The following SLC35F1 variants were observed in gnomAD, a reference collection of about 807,000 sequenced individuals.
The protein encoded by SLC35F1 is solute carrier family 35 member F1.
A neutral mutation model predicts 48.7 loss-of-function variants in SLC35F1; 14 were observed. The observed-to-expected ratio is 0.29, with a 90% CI of 0.19 to 0.45. The LOEUF (loss-of-function observed/expected upper bound fraction) is 0.45, where lower values mean the gene tolerates loss of function less well. SLC35F1 is among the 20% of genes least tolerant of loss of function. The probability of loss-of-function intolerance (pLI) is 1.00; values close to 1 mark genes in which losing one functional copy is unlikely to be tolerated. For missense variants in SLC35F1, 404 were observed against 500.0 expected, an observed-to-expected ratio of 0.81 and a Z score of 1.83; for synonymous variants, 190 against 202.2, an observed-to-expected ratio of 0.94 and a Z score of 0.51.
At chr6:118,047,234 C>T (rs1177203018) in intron 1 of SLC35F1, among the ~76,000 whole-genome samples, 1 of 152,078 alleles carries the variant, frequency 6.6e-6, no homozygotes, top group South Asian at 2.1e-4. Context: ...TGGGATGTGG[C>T]AATTTTTATT....
intron 1 of SLC35F1, among the ~76,000 whole-genome samples, chr6:117,909,390 T>C (rs1400999014): frequency 6.6e-6 from 1 of 152,186 alleles, no homozygotes; most frequent in Non-Finnish European, 1.5e-5. Flanking sequence ...CTAGAAAATA[T>C]TGATGTAATA....
intron 1 of SLC35F1, among the ~76,000 whole-genome samples, chr6:118,078,993 C>T (rs1444577233): frequency 6.6e-6 from 1 of 152,046 alleles, no homozygotes; most frequent in Non-Finnish European, 1.5e-5. Context: ...TTTTGTCAGG[C>T]CACTAGGGGT....
chr6:118,313,519 A>G (rs1008297527), intron 7 of SLC35F1, among the ~76,000 whole-genome samples: 1 of 152,236 alleles, frequency 6.6e-6, no homozygotes, highest in Non-Finnish European at 1.5e-5. Context: ...TACCAAAGTC[A>G]GTAACAATTC....
chr6:118,187,540 A>T (rs1453624027), intron 2 of SLC35F1, among the ~76,000 whole-genome samples: 2 of 152,266 alleles, frequency 1.3e-5, no homozygotes, highest in Non-Finnish European at 2.9e-5. Flanking sequence ...TTTTTCCTTG[A>T]CAGCCCTTAA....
intron 1 of SLC35F1, among the ~76,000 whole-genome samples, chr6:117,942,964 C>T (rs904485094): frequency 6.6e-5 from 10 of 152,114 alleles, no homozygotes; most frequent in African/African-American, 2.4e-4. Flanking sequence ...ATCAATTTCT[C>T]TTAGTTCACA....
At chr6:118,084,515 A>G (rs1239170433) in intron 1 of SLC35F1, among the ~76,000 whole-genome samples, 2 of 152,268 alleles carry the variant, frequency 1.3e-5, no homozygotes, top group Non-Finnish European at 2.9e-5. Flanking sequence ...ATTTCAACAC[A>G]TTATTTGCCT....
At chr6:117,949,163 C>A (rs1776330648) in intron 1 of SLC35F1, among the ~76,000 whole-genome samples, 1 of 152,116 alleles carries the variant, frequency 6.6e-6, no homozygotes, top group Admixed American at 6.6e-5. Flanking sequence ...AGTGGTTTTT[C>A]AAAGTCTTAT....
intron 1 of SLC35F1, among the ~76,000 whole-genome samples, chr6:118,153,830 C>G (rs909702567): frequency 6.6e-6 from 1 of 152,194 alleles, no homozygotes; most frequent in Non-Finnish European, 1.5e-5. Flanking sequence ...AGATGGCAGA[C>G]ACCTAATGCT....
At chr6:117,926,065 C>G (rs1323342675) in intron 1 of SLC35F1, among the ~76,000 whole-genome samples, 1 of 152,116 alleles carries the variant, frequency 6.6e-6, no homozygotes, top group African/African-American at 2.4e-5. Context: ...GGGAAGGCAT[C>G]TAAGCATATG....
intron 2 of SLC35F1, among the ~76,000 whole-genome samples, chr6:118,202,367 C>T (rs1009686240): frequency 2.6e-5 from 4 of 152,064 alleles, no homozygotes; most frequent in African/African-American, 4.8e-5. Context: ...CATGGTGGCA[C>T]ACGCCTGTAG....
At chr6:118,002,858 A>G (rs959330350) in intron 1 of SLC35F1, among the ~76,000 whole-genome samples, 1 of 152,078 alleles carries the variant, frequency 6.6e-6, no homozygotes, top group South Asian at 2.1e-4. Flanking sequence ...AATTAAAAAA[A>G]TTGACAATCA....
intron 2 of SLC35F1, among the ~76,000 whole-genome samples, chr6:118,207,069 G>C (rs1774945199): frequency 6.6e-6 from 1 of 152,162 alleles, no homozygotes; most frequent in African/African-American, 2.4e-5. Flanking sequence ...AATCAAAGGG[G>C]AAGCAAGAGG....
At chr6:118,229,562 C>A (rs1030194605) in intron 2 of SLC35F1, among the ~76,000 whole-genome samples, 5 of 152,130 alleles carry the variant, frequency 3.3e-5, no homozygotes, top group Admixed American at 3.3e-4. Flanking sequence ...ATCAGCAAGG[C>A]AAAAGAAAAT....
Position 118,090,837 on chromosome 6 carries a change from G to C in SLC35F1, c.174-63608G>C, listed in dbSNP as rs187090230. 3.7e-4 allele frequency among the ~76,000 whole-genome samples: 56 copies of C among 152,238 alleles called. 1 individual carries two copies. In the East Asian group the frequency reaches 5.8e-3, roughly 16 times the overall value. ...ACTGCTATGTGGAGAATGGACAATG[G>C]GGGGGCATAAGTGGAAGGAGGAAGA... On this transcript the variant is annotated intron_variant, in intron 1 of 7. Transcript: ENST00000360388.
At chr6:117,924,421 A>G (rs1019849337) in intron 1 of SLC35F1, among the ~76,000 whole-genome samples, 2 of 120,244 alleles carry the variant, frequency 1.7e-5, no homozygotes, top group African/African-American at 6.9e-5. Context: ...ATGTATATAT[A>G]CACATACGCA....
intron 3 of SLC35F1, among the ~76,000 whole-genome samples, chr6:118,257,467 A>T (rs1775660529): frequency 6.6e-6 from 1 of 152,192 alleles, no homozygotes; most frequent in Non-Finnish European, 1.5e-5. Context: ...ATGGGAGGCA[A>T]CACTGCCTTC....
At chr6:118,207,160 G>A (rs1774946380) in intron 2 of SLC35F1, among the ~76,000 whole-genome samples, 1 of 152,152 alleles carries the variant, frequency 6.6e-6, no homozygotes, top group South Asian at 2.1e-4. Flanking sequence ...GAATCTATGG[G>A]CATGGAGTAG....
chr6:118,178,248 A>G (rs2114506045), intron 2 of SLC35F1, among the ~76,000 whole-genome samples: 1 of 151,548 alleles, frequency 6.6e-6, no homozygotes, highest in African/African-American at 2.4e-5. Flanking sequence ...CACCTTCCTT[A>G]CCTAGAATGT....
chr6:118,106,152 C>T (rs936097831), intron 1 of SLC35F1, among the ~76,000 whole-genome samples: 2 of 152,068 alleles, frequency 1.3e-5, no homozygotes, highest in African/African-American at 4.8e-5. Context: ...CCTGTCCTCT[C>T]CTCCTCACCT....
Sources: gnomAD v4.1 joint callset for allele counts (sites outside exome capture counted in the v4.1 genomes callset) on GRCh38, gnomAD v4.1.1 for gene constraint, MANE v1.5 for transcripts, NCBI Gene and HGNC (gene_info 2026-07-23, HGNC 2026-07-21) for gene names.